STK33: variants seen among roughly 807,000 people sequenced by gnomAD.
STK33 encodes the protein serine/threonine kinase 33.
Under a neutral mutation model 58.0 loss-of-function variants are expected in STK33, and 52 were observed. The ratio of observed to expected loss-of-function variants is 0.90; its 90% confidence interval spans 0.72 to 1.13. The LOEUF is 1.13. STK33 is among the 50% of genes most tolerant of loss of function. The pLI is 0.00. For synonymous variants in STK33, 215 were observed against 200.1 expected, an observed-to-expected ratio of 1.07 and a Z score of -0.63; for missense variants, 630 against 604.2, an observed-to-expected ratio of 1.04 and a Z score of -0.45.
At chr11:8,384,973 C>A in the STK33 span, among the ~76,000 whole-genome samples, 1 of 152,196 alleles carries the variant, frequency 6.6e-6, no homozygotes, top group African/African-American at 2.4e-5. Context: ...TAGGGCAGGA[C>A]CCTACACTAG....
rs190740583 is a variant in STK33, at chr11:8,490,137, G to A, written c.-465-9523C>T. On this transcript the variant is annotated intron_variant, in intron 1 of 15. Coordinates refer to ENST00000687296, the MANE Select transcript of STK33 (RefSeq NM_001352389.2). ...GGCGTTGCCTCACCCAGGAAGTGCA[G>A]GGGTCGAGGGATTTCCCTTTCCTAG... Among the ~76,000 whole-genome samples, 47 of 152,348 alleles carry A rather than the reference G, an allele frequency of 3.1e-4. 1 individual carries two copies. The East Asian group carries it at 7.5e-3, about 24-fold the overall frequency.
chr11:8,456,825 T>A (rs997938739), intron 9 of STK33, among the ~76,000 whole-genome samples: 18 of 152,218 alleles, frequency 1.2e-4, no homozygotes, highest in African/African-American at 4.3e-4. Flanking sequence ...AATCCTAATA[T>A]AAGCTATGGA....
rs1443866167 is a variant in STK33 at position 8,419,504 on chromosome 11, G to A, written c.1147-5812C>T. On this transcript the variant is annotated intron_variant, in intron 14 of 15. Coordinates refer to ENST00000687296, the MANE Select transcript of STK33 (RefSeq NM_001352389.2). ...CTGTAGCCCTGTAGTATAGTTTGAA[G>A]TTGGGTAGCATGATGCCTCCAGCTT... Among the ~76,000 whole-genome samples the A allele has an allele frequency of 3.9e-5, 6 of 152,272 alleles. 1 individual carries two copies. In the Middle Eastern group the frequency reaches 0.01, roughly 259 times the overall value.
At chr11:8,544,772 T>A (rs980748921) in intron 1 of STK33, among the ~76,000 whole-genome samples, 2 of 152,260 alleles carry the variant, frequency 1.3e-5, no homozygotes, top group East Asian at 3.9e-4. Flanking sequence ...CTAGCCAAAA[T>A]CATAATGTTG....
At chr11:8,501,092 C>T (rs1253432302) in intron 1 of STK33, among the ~76,000 whole-genome samples, 1 of 152,114 alleles carries the variant, frequency 6.6e-6, no homozygotes. Context: ...TATAAAACTT[C>T]TAGAAGAAAA....
intron 1 of STK33, among the ~76,000 whole-genome samples, chr11:8,497,293 T>C (rs78218757): frequency 2.3e-3 from 350 of 152,194 alleles, no homozygotes; most frequent in African/African-American, 8.0e-3. Context: ...AGATCATACA[T>C]AGACACATAT....
At chr11:8,547,616 T>C (rs987613805) in intron 1 of STK33, among the ~76,000 whole-genome samples, 3 of 152,248 alleles carry the variant, frequency 2.0e-5, no homozygotes, top group Admixed American at 6.5e-5. Context: ...TTATCTATTC[T>C]GGTTATGAAT....
chr11:8,458,663 A>T (rs1036725278), intron 8 of STK33, among the ~76,000 whole-genome samples: 2 of 152,166 alleles, frequency 1.3e-5, no homozygotes, highest in Admixed American at 6.5e-5. Flanking sequence ...CCATATTAAG[A>T]TCACTTTAGG....
At chr11:8,550,631 C>T (rs1025297017) in intron 1 of STK33, among the ~76,000 whole-genome samples, 8 of 152,180 alleles carry the variant, frequency 5.3e-5, no homozygotes, top group Non-Finnish European at 1.2e-4. Flanking sequence ...ATCTCTAGGG[C>T]AGGTGAAAAA....
intron 1 of STK33, among the ~76,000 whole-genome samples, chr11:8,485,517 G>A (rs1399081947): frequency 6.6e-6 from 1 of 152,142 alleles, no homozygotes; most frequent in East Asian, 1.9e-4. Flanking sequence ...TGTTCTATTG[G>A]TTGCTTTATT....
At chr11:8,393,735 T>C (rs1180328907) in intron 15 of STK33, among the ~76,000 whole-genome samples, 1 of 152,218 alleles carries the variant, frequency 6.6e-6, no homozygotes. Context: ...TAACACAAAA[T>C]AAATGCAGTG....
At chr11:8,378,293 T>C in the STK33 span, among the ~76,000 whole-genome samples, 8 of 152,240 alleles carry the variant, frequency 5.3e-5, no homozygotes, top group East Asian at 3.9e-4. Context: ...CCGAGGTGGG[T>C]GGATCACCTG....
Position 8,553,237 on chromosome 11 carries a change from T to A in STK33, c.-466+40846A>T, listed in dbSNP as rs182383190. Among the ~76,000 whole-genome samples, 129 of 92,220 alleles carry A rather than the reference T, an allele frequency of 1.4e-3. 2 individuals carry two copies. Among genetic ancestry groups the A allele is most frequent in the African/African-American group, 5.8e-3 (128 of 21,996 alleles). 60.5% of individuals were successfully genotyped at this position (92,220 alleles called of 152,430 possible). On this transcript the variant is annotated intron_variant, in intron 1 of 15. Coordinates refer to ENST00000687296, the MANE Select transcript of STK33 (RefSeq NM_001352389.2). ...TATATATATATATGGTGTGTATATA[T>A]ATATGATATATATGATATATATATC...
At chr11:8,556,603 T>C (rs11041978) in intron 1 of STK33, among the ~76,000 whole-genome samples, 81,639 of 151,980 alleles carry the variant, frequency 0.54, 22,091 homozygotes, top group South Asian at 0.64. Context: ...TCAGAAAGGC[T>C]TTTTTTAAAT....
At chr11:8,401,996 GA>G (rs1386569286) in intron 15 of STK33, among the ~76,000 whole-genome samples, 1 of 152,120 alleles carries the variant, frequency 6.6e-6, no homozygotes, top group Non-Finnish European at 1.5e-5. Flanking sequence ...GGAGAAATAG[GA>G]ACACTTTTAC....
the STK33 span, among the ~76,000 whole-genome samples, chr11:8,385,101 T>G: frequency 0.02 from 3,054 of 152,276 alleles, 43 homozygotes; most frequent in Middle Eastern, 0.041. Flanking sequence ...TCTTCAACCA[T>G]CACCTCTAAT....
intron 14 of STK33, among the ~76,000 whole-genome samples, chr11:8,424,735 G>T (rs1942467746): frequency 6.8e-6 from 1 of 146,306 alleles, no homozygotes; most frequent in Non-Finnish European, 1.5e-5. Context: ...TTCTCTGATG[G>T]CCAGTGATGA....
chr11:8,455,044 C>T (rs1400328333), intron 9 of STK33, among the ~76,000 whole-genome samples: 1 of 152,152 alleles, frequency 6.6e-6, no homozygotes, highest in Admixed American at 6.5e-5. Context: ...CTCACCTCTA[C>T]CCATTTCCCT....
chr11:8,438,161 C>CT (rs917565723), intron 12 of STK33, among the ~76,000 whole-genome samples: 7 of 151,950 alleles, frequency 4.6e-5, no homozygotes, highest in African/African-American at 1.5e-4. Context: ...AAAAAATTCA[C>CT]TTTTTTTTCT....
Sources: gnomAD v4.1 joint callset for allele counts (sites outside exome capture counted in the v4.1 genomes callset) on GRCh38, gnomAD v4.1.1 for gene constraint, MANE v1.5 for transcripts, NCBI Gene and HGNC (gene_info 2026-07-23, HGNC 2026-07-21) for gene names.